EXOC6: variants seen among roughly 807,000 people sequenced by gnomAD.
EXOC6 encodes the protein SEC15-like 1.
EXOC6 carries 60 observed loss-of-function variants against 112.5 expected under a neutral mutation model. That is an observed-to-expected ratio of 0.53 (90% CI 0.43 to 0.66). The LOEUF (loss-of-function observed/expected upper bound fraction) is 0.66, where lower values mean the gene tolerates loss of function less well. EXOC6 is among the 30% of genes least tolerant of loss of function. The pLI is 0.00. For missense variants in EXOC6, 855 were observed against 957.1 expected (o/e 0.89, Z 1.41); for synonymous variants, 295 against 308.0 (o/e 0.96, Z 0.44).
chr10:92,875,390 C>T (rs1848640496), intron 1 of EXOC6, among the ~76,000 whole-genome samples: 1 of 152,108 alleles, frequency 6.6e-6, no homozygotes, highest in Non-Finnish European at 1.5e-5. Flanking sequence ...TTTTATATGT[C>T]TGGATTCTTA....
At chr10:92,979,030 A>T (rs1263777079) in intron 18 of EXOC6, among the ~76,000 whole-genome samples, 1 of 152,214 alleles carries the variant, frequency 6.6e-6, no homozygotes, top group Non-Finnish European at 1.5e-5. Flanking sequence ...ATTTTCTGGG[A>T]TAGAGGTGAC....
intron 19 of EXOC6, among the ~76,000 whole-genome samples, chr10:93,001,860 T>C (rs1030620083): frequency 6.6e-6 from 1 of 152,176 alleles, no homozygotes; most frequent in South Asian, 2.1e-4. Flanking sequence ...CAATAATTCC[T>C]TATTCTTATT....
chr10:92,964,375 T>C (rs1420801796), intron 17 of EXOC6, among the ~76,000 whole-genome samples: 1 of 152,082 alleles, frequency 6.6e-6, no homozygotes, highest in Non-Finnish European at 1.5e-5. Context: ...AGTAGTGACA[T>C]TGGATAATGA....
At chr10:92,910,878 A>G (rs1159826447) in intron 6 of EXOC6, among the ~76,000 whole-genome samples, 1 of 152,166 alleles carries the variant, frequency 6.6e-6, no homozygotes. Context: ...GTAGCGAGCC[A>G]AGATCGCGCC....
At chr10:92,932,900 A>G (rs1163784447) in intron 9 of EXOC6, among the ~76,000 whole-genome samples, 2 of 152,186 alleles carry the variant, frequency 1.3e-5, no homozygotes, top group Non-Finnish European at 2.9e-5. Context: ...CATAAACATC[A>G]GAATGAGATG....
rs551774290 is a variant in EXOC6 at position 92,861,690 on chromosome 10, G to A, written c.101+13056G>A. ...AGATCTGTCACCTGAACTGGTGGTT[G>A]GGAAAAGGTGGATGTGGGTCATGGG... is the stretch of plus-strand genomic sequence containing the variant. On this transcript the variant is annotated intron_variant, in intron 1 of 21. Transcript: ENST00000260762. Among the ~76,000 whole-genome samples, 31 of 152,134 alleles carry A rather than the reference G, an allele frequency of 2.0e-4. No homozygotes were observed. In the East Asian group the frequency reaches 4.2e-3, roughly 21 times the overall value.
intron 4 of EXOC6, among the ~76,000 whole-genome samples, chr10:92,896,201 T>A (rs1386453575): frequency 0.026 from 1,422 of 55,532 alleles, 91 homozygotes; most frequent in South Asian, 0.06. Flanking sequence ...TTTTTTTTTT[T>A]TTTTTTTTTT....
At chr10:92,947,626 G>C (rs1164888425) in intron 13 of EXOC6, among the ~76,000 whole-genome samples, 1 of 152,200 alleles carries the variant, frequency 6.6e-6, no homozygotes, top group Non-Finnish European at 1.5e-5. Flanking sequence ...ATTATGACAG[G>C]AGGCTGGGCA....
At chr10:93,012,663 T>G (rs756576507) in intron 19 of EXOC6, among the ~76,000 whole-genome samples, 1 of 152,238 alleles carries the variant, frequency 6.6e-6, no homozygotes, top group African/African-American at 2.4e-5. Flanking sequence ...ATTTAAGAAT[T>G]GCTTTTGTTA....
At chr10:92,860,395 C>T (rs928093070) in intron 1 of EXOC6, among the ~76,000 whole-genome samples, 11 of 151,586 alleles carry the variant, frequency 7.3e-5, no homozygotes, top group African/African-American at 2.4e-4. Context: ...GCCTCAGCCT[C>T]CTGAGTAGCT....
intron 5 of EXOC6, among the ~76,000 whole-genome samples, chr10:92,906,750 A>G (rs1406852360): frequency 6.6e-6 from 1 of 152,200 alleles, no homozygotes; most frequent in Non-Finnish European, 1.5e-5. Context: ...GTATGAGCTT[A>G]CAGAAGTGGA....
chr10:92,991,141 C>G lies in EXOC6; in HGVS notation c.1954-6333C>G, dbSNP rs1260976882. Among the ~76,000 whole-genome samples the G allele has an allele frequency of 2.8e-5, 4 of 142,094 alleles. No homozygotes were observed. The East Asian group carries it at 8.2e-4, about 29-fold the overall frequency. 93.2% of individuals were successfully genotyped at this position (142,094 alleles called of 152,430 possible). ...ATTCTGGCAACTTTTTTTTTTTTTT[C>G]CCAAGACAGAGTCTGGCCAGGTGTG... On this transcript the variant is annotated intron_variant, in intron 18 of 21. Coordinates refer to ENST00000260762, the MANE Select transcript of EXOC6 (RefSeq NM_019053.6).
intron 20 of EXOC6, among the ~76,000 whole-genome samples, chr10:93,051,099 A>G (rs1416425970): frequency 6.6e-6 from 1 of 152,192 alleles, no homozygotes; most frequent in Admixed American, 6.5e-5. Flanking sequence ...AAAATAAAGC[A>G]AATATGGATG....
Position 92,952,268 on chromosome 10 carries a change from T to G in EXOC6, c.1417-5T>G. ...AAAAACAATATTAACTTTCTTTTTC[T>G]ACAGCAGTCTTTCCCAAAGAAATTC... is the stretch of plus-strand genomic sequence containing the variant. On this transcript the variant is annotated splice_region_variant and splice_polypyrimidine_tract_variant and intron_variant, in intron 14 of 21. Coordinates refer to ENST00000260762, the MANE Select transcript of EXOC6 (RefSeq NM_019053.6). 1 of 1,554,118 alleles carries G rather than the reference T, an allele frequency of 6.4e-7. No individual in the cohort carries two copies. Among genetic ancestry groups the G allele is most frequent in the Non-Finnish European group, 8.8e-7 (1 of 1,133,822 alleles).
chr10:92,932,022 A>G (rs1378008375), intron 9 of EXOC6, among the ~76,000 whole-genome samples: 1 of 152,196 alleles, frequency 6.6e-6, no homozygotes, highest in Non-Finnish European at 1.5e-5. Context: ...ACCAAAAACT[A>G]GAGACATCTG....
chr10:93,055,096 G>A (rs889221574), intron 20 of EXOC6, among the ~76,000 whole-genome samples: 3 of 152,136 alleles, frequency 2.0e-5, no homozygotes, highest in Non-Finnish European at 4.4e-5. Flanking sequence ...TCCCGCCTCA[G>A]TCTCCAGAGT....
At chr10:93,034,961 C>A (rs1845446563) in intron 20 of EXOC6, among the ~76,000 whole-genome samples, 1 of 152,202 alleles carries the variant, frequency 6.6e-6, no homozygotes, top group East Asian at 1.9e-4. Context: ...AGTAGCAGGA[C>A]AACAAGCTTG....
intron 6 of EXOC6, among the ~76,000 whole-genome samples, chr10:92,913,014 G>A (rs1455441427): frequency 6.6e-6 from 1 of 152,160 alleles, no homozygotes; most frequent in African/African-American, 2.4e-5. Flanking sequence ...TCTGCAGGGG[G>A]AAGCACATCA....
intron 5 of EXOC6, 196 bp downstream of exon 5, chr10:92,899,840 T>C (rs1188156056): frequency 4.3e-6 from 2 of 459,900 alleles, no homozygotes; most frequent in African/African-American, 4.0e-5. Context: ...CATTGTCCTT[T>C]ATAAATGATA....
Sources: allele counts gnomAD v4.1 joint callset (sites outside exome capture counted in the v4.1 genomes callset), GRCh38; gene constraint gnomAD v4.1.1; transcripts MANE v1.5; gene names NCBI Gene and HGNC (gene_info 2026-07-23, HGNC 2026-07-21).